Variants in SPATA9 observed in about 807,000 individuals in gnomAD.
The protein encoded by SPATA9 is spermatogenesis-associated protein 9.
A neutral mutation model predicts 25.5 loss-of-function variants in SPATA9; 27 were observed. The observed-to-expected ratio is 1.06, with a 90% CI of 0.78 to 1.46. The LOEUF (loss-of-function observed/expected upper bound fraction) is 1.46. SPATA9 is among the 40% of genes most tolerant of loss of function. SPATA9 has a pLI of 0.00. For missense variants in SPATA9, 282 were observed against 297.5 expected (o/e 0.95, Z 0.38); for synonymous variants, 102 against 105.7 (o/e 0.97, Z 0.21).
chr5:95,700,375 T>C (rs1057288748), upstream of SPATA9, among the ~76,000 whole-genome samples: 2 of 152,070 alleles, frequency 1.3e-5, no homozygotes, highest in African/African-American at 2.4e-5. Flanking sequence ...TCTCAGCTCA[T>C]TGCAACCTCC....
rs1176880731 is a variant in SPATA9 at position 95,682,669 on chromosome 5, G to A, written c.62-53C>T. On this transcript the variant is annotated intron_variant, in intron 1 of 4. Transcript: ENST00000274432. ...AAAACTTTGAAAACATCCCCTAAAT[G>A]TTTCAAAAGAACATGAAACACTTGA... is the stretch of plus-strand genomic sequence containing the variant. 2.6e-6 allele frequency: 4 copies of A among 1,540,492 alleles called. No individual in the cohort carries two copies. In the East Asian group the frequency reaches 6.7e-5, roughly 26 times the overall value.
chr5:95,725,009 T>TA, the SPATA9 span, among the ~76,000 whole-genome samples: 70 of 145,020 alleles, frequency 4.8e-4, no homozygotes, highest in Non-Finnish European at 5.5e-4. Flanking sequence ...CCCCATGTCT[T>TA]AAAAAAAAAA....
At chr5:95,705,369 A>G in the SPATA9 span, among the ~76,000 whole-genome samples, 1 of 152,310 alleles carries the variant, frequency 6.6e-6, no homozygotes, top group South Asian at 2.1e-4. Flanking sequence ...GGGACACCAT[A>G]ATTTAATCCA....
exon 9 of SPATA9, chr5:95,653,075 A>C (rs1019435230): frequency 6.5e-7 from 1 of 1,549,332 alleles, no homozygotes; most frequent in Non-Finnish European, 8.7e-7. Flanking sequence ...ATTCACCAAG[A>C]CTTTTCTTTC....
At chr5:95,658,968 A>G in intron 4 of SPATA9, 55 bp from the exon 5 acceptor site, 1 of 1,533,050 alleles carries the variant, frequency 6.5e-7, no homozygotes, top group Non-Finnish European at 8.7e-7. Context: ...TACTAACCAC[A>G]GATTAAAAAC....
the SPATA9 span, among the ~76,000 whole-genome samples, chr5:95,718,487 C>T: frequency 8.5e-5 from 13 of 152,318 alleles, no homozygotes; most frequent in Admixed American, 6.5e-5. Flanking sequence ...CTGATGCCTC[C>T]GTTTTCTCTG....
chr5:95,675,191 A>G (rs1752808456), intron 3 of SPATA9, among the ~76,000 whole-genome samples: 1 of 152,210 alleles, frequency 6.6e-6, no homozygotes, highest in African/African-American at 2.4e-5. Flanking sequence ...TTTAAGTTGC[A>G]CCATTTGAAA....
At chr5:95,692,814 C>A (rs1753924014) in intron 1 of SPATA9, among the ~76,000 whole-genome samples, 1 of 152,068 alleles carries the variant, frequency 6.6e-6, no homozygotes, top group African/African-American at 2.4e-5. Flanking sequence ...TATAAAATCT[C>A]CACTTTTTCT....
chr5:95,666,002 C>T (rs144666826), intron 3 of SPATA9, among the ~76,000 whole-genome samples: 47 of 152,254 alleles, frequency 3.1e-4, no homozygotes, highest in African/African-American at 1.1e-3. Flanking sequence ...TTCTGAAGAA[C>T]ACGTGATAAC....
At chr5:95,727,086 T>C in the SPATA9 span, among the ~76,000 whole-genome samples, 1 of 152,230 alleles carries the variant, frequency 6.6e-6, no homozygotes, top group South Asian at 2.1e-4. Context: ...AAAAATTGCG[T>C]TTGTTTTTAA....
intron 1 of SPATA9, among the ~76,000 whole-genome samples, chr5:95,694,728 GAATATGCCACTTCAA>G (rs1753972922): frequency 6.6e-6 from 1 of 152,166 alleles, no homozygotes; most frequent in African/African-American, 2.4e-5. Context: ...AAGGATTGAA[GAATATGCCACTTCAA>G]AATATGCCAC....
chr5:95,654,236 C>G, downstream of SPATA9: 1 of 1,610,964 alleles, frequency 6.2e-7, no homozygotes, highest in Non-Finnish European at 8.5e-7. Context: ...TCGCTGTTAC[C>G]GTAAGATTTT....
the SPATA9 span, among the ~76,000 whole-genome samples, chr5:95,708,045 A>G: frequency 1.9e-4 from 29 of 150,848 alleles, no homozygotes; most frequent in African/African-American, 6.8e-4. Flanking sequence ...ATTAAAGTTA[A>G]TAGTATGATG....
intron 3 of SPATA9, among the ~76,000 whole-genome samples, chr5:95,668,377 A>C (rs1164579317): frequency 6.6e-6 from 1 of 152,192 alleles, no homozygotes; most frequent in Non-Finnish European, 1.5e-5. Context: ...TTCCTCCAAA[A>C]TATATGTGGC....
upstream of SPATA9, chr5:95,684,544 G>A (rs937831820): frequency 3.3e-5 from 5 of 152,238 alleles, no homozygotes. Flanking sequence ...TAAAGCATAA[G>A]CAACTCTTTG....
chr5:95,731,310 A>C, the SPATA9 span: 1 of 1,050,580 alleles, frequency 9.5e-7, no homozygotes, highest in Non-Finnish European at 1.1e-6. Context: ...TTCTCTGCTT[A>C]GAGGAGGAGG....
At chr5:95,707,644 T>C in the SPATA9 span, among the ~76,000 whole-genome samples, 1 of 152,192 alleles carries the variant, frequency 6.6e-6, no homozygotes, top group African/African-American at 2.4e-5. Flanking sequence ...GATGAATTCC[T>C]GGGAACTGCT....
At chr5:95,699,434 G>A (rs185819712), upstream of SPATA9, among the ~76,000 whole-genome samples, 3 of 152,264 alleles carry the variant, frequency 2.0e-5, no homozygotes, top group East Asian at 5.8e-4. Flanking sequence ...TGGTGACCTG[G>A]CCAATGGGAA....
chr5:95,690,315 G>C (rs962077901), intron 1 of SPATA9, among the ~76,000 whole-genome samples: 1 of 152,128 alleles, frequency 6.6e-6, no homozygotes. Flanking sequence ...TAGAATCATG[G>C]CCAACCCAGT....
Sources: allele counts gnomAD v4.1 joint callset (sites outside exome capture counted in the v4.1 genomes callset), GRCh38; gene constraint gnomAD v4.1.1; transcripts MANE v1.5; gene names NCBI Gene and HGNC (gene_info 2026-07-23, HGNC 2026-07-21).